KIF24: variants seen among roughly 807,000 people sequenced by gnomAD.
KIF24 encodes the protein kinesin-like protein KIF24.
KIF24 carries 81 observed loss-of-function variants against 118.9 expected under a neutral mutation model. The ratio of observed to expected loss-of-function variants is 0.68; its 90% CI spans 0.57 to 0.82. The LOEUF is 0.82. Among genes scored for constraint, KIF24 ranks in the 40% least tolerant of loss-of-function variants. The pLI, the probability that KIF24 is intolerant of heterozygous loss-of-function variation, is 0.00. For missense variants in KIF24, 1,560 were observed against 1,661.6 expected (o/e 0.94, Z 1.06); for synonymous variants, 599 against 610.0 (o/e 0.98, Z 0.27).
chr9:34,332,376 C>T (rs1404423562), upstream of KIF24, among the ~76,000 whole-genome samples: 1 of 152,114 alleles, frequency 6.6e-6, no homozygotes, highest in Non-Finnish European at 1.5e-5. Flanking sequence ...TTACGTTGCA[C>T]AAAACACACT....
chr9:34,330,424 A>G (rs1003196394), upstream of KIF24, among the ~76,000 whole-genome samples: 1 of 152,080 alleles, frequency 6.6e-6, no homozygotes, highest in Non-Finnish European at 1.5e-5. Flanking sequence ...ACAAAACAAA[A>G]AAAAACTGAA....
intron 3 of KIF24, 100 bp downstream of exon 3, chr9:34,306,152 T>C (rs1836906064): frequency 1.4e-6 from 1 of 739,642 alleles, no homozygotes; most frequent in Non-Finnish European, 2.3e-6. Context: ...TGATTTTCAG[T>C]GTTCTAACAG....
chr9:34,321,411 T>C (rs908363030), intron 1 of KIF24, among the ~76,000 whole-genome samples: 6 of 151,972 alleles, frequency 3.9e-5, no homozygotes, highest in South Asian at 2.1e-4. Flanking sequence ...AAGTTTAAAA[T>C]TGAAATAATG....
intron 2 of KIF24, among the ~76,000 whole-genome samples, chr9:34,306,942 C>A (rs889710582): frequency 3.9e-5 from 6 of 152,124 alleles, no homozygotes; most frequent in Admixed American, 6.6e-5. Context: ...TGCAAAAACA[C>A]AAATAACAGA....
chr9:34,320,340 AAAAAAAAAG>A (rs1837474926), intron 1 of KIF24, among the ~76,000 whole-genome samples: 1 of 151,482 alleles, frequency 6.6e-6, no homozygotes, highest in Non-Finnish European at 1.5e-5. Flanking sequence ...AACAAAAAAA[AAAAAAAAAG>A]AAAAAGAAAA....
chr9:34,256,574 G>T lies in KIF24; in HGVS notation c.3033C>A (p.Val1011=), dbSNP rs1422606428. ...TCACCTGGATTGGGCCGTCTGCACT[G>T]ACTTCTCTCAGAGGTGTGGTGACTG... ...RDTVTTPLRE[V]SADGPIQVTS... is the part of the protein sequence containing the mutation. The change falls in exon 11 of 13, where the codon GTC becomes GTA. Residue 1011 remains valine, a synonymous_variant. Coordinates refer to ENST00000402558, the MANE Select transcript of KIF24 (RefSeq NM_194313.4). 1.9e-6 allele frequency: 3 copies of T among 1,614,006 alleles called. No homozygotes were observed. Among genetic ancestry groups the T allele is most frequent in the East Asian group, 2.2e-5 (1 of 44,880 alleles).
chr9:34,262,663 A>ATATAT (rs1835109144), intron 9 of KIF24, among the ~76,000 whole-genome samples: 2 of 43,262 alleles, frequency 4.6e-5, no homozygotes, highest in African/African-American at 8.3e-5. Flanking sequence ...AAAAAAAAAA[A>ATATAT]AAAAAAAAAA....
In KIF24 at chr9:34,253,099, C is replaced by T. The variant is rs17258783; in HGVS notation, c.*1281G>A. On this transcript the variant is annotated 3_prime_UTR_variant, in exon 13 of 13. Transcript: ENST00000402558. The stretch of plus-strand genomic sequence containing the variant: ...GCCGGGAAGCACCAATAAGGATGCC[C>T]CCTGGCGGTCAGATGAGGCACTGTC... 24,136 of 152,536 alleles carry T rather than the reference C, an allele frequency of 0.16. 2,325 individuals are homozygous for T. Among genetic ancestry groups the T allele is most frequent in the South Asian group, 0.25 (1,183 of 4,828 alleles). The allele number at this position is 152,536 out of a possible 1,614,324, so 9.4% of individuals were successfully genotyped here.
At chr9:34,323,737 AAGG>A (rs753378769) in intron 1 of KIF24, among the ~76,000 whole-genome samples, 25 of 152,238 alleles carry the variant, frequency 1.6e-4, no homozygotes, top group Admixed American at 4.6e-4. Flanking sequence ...ATTATTTCCA[AAGG>A]AGTGACATCG....
intron 8 of KIF24, among the ~76,000 whole-genome samples, chr9:34,264,531 A>G (rs1040805737): frequency 6.6e-6 from 1 of 151,992 alleles, no homozygotes; most frequent in Non-Finnish European, 1.5e-5. Flanking sequence ...GGCTGTTCTT[A>G]GCAGCAGCCA....
At position 34,256,034 on chromosome 9, in the gene KIF24, G is replaced by A. The variant is rs1445096179; in HGVS notation, c.3573C>T (p.Pro1191=). The A allele has an allele frequency of 6.2e-7, 1 of 1,613,974 alleles. No individual in the cohort carries two copies. Among genetic ancestry groups the A allele is most frequent in the Non-Finnish European group, 8.5e-7 (1 of 1,179,882 alleles). Residue 1191 remains proline, a synonymous_variant, in exon 11 of 13, where the codon CCC becomes CCT. Coordinates refer to ENST00000402558, the MANE Select transcript of KIF24 (RefSeq NM_194313.4). ...LDGSWGFPGK[P]FTTIHMGVPH... The stretch of plus-strand genomic sequence containing the variant: ...GTACCCCCATATGTATGGTGGTGAA[G>A]GGCTTTCCTGGGAAACCCCAGGAGC...
intron 6 of KIF24, among the ~76,000 whole-genome samples, chr9:34,282,976 T>C (rs1835902210): frequency 7.4e-6 from 1 of 135,150 alleles, no homozygotes; most frequent in Non-Finnish European, 1.5e-5. Context: ...CACATGAACC[T>C]GGGAAGCAGA....
In KIF24 at chr9:34,256,442, G is replaced by A. The variant is rs769462864; in HGVS notation, c.3165C>T (p.Ser1055=). 1 of 1,613,874 alleles carries A rather than the reference G, an allele frequency of 6.2e-7. No homozygotes were observed. The highest frequency in any genetic ancestry group is 1.7e-5 in the Admixed American group (1 of 60,020). ...ASGLMSPLTM[S]LLENPDNEGS... Reference sequence around the variant, plus strand: ...CTTCGTTGTCTGGGTTCTCCAGGAGGGACATGGTGAGGGGAGACATGAGTC... The same window carrying A: ...CTTCGTTGTCTGGGTTCTCCAGGAGAGACATGGTGAGGGGAGACATGAGTC... Residue 1055 remains serine, a synonymous_variant, in exon 11 of 13, where the codon TCC becomes TCT. Transcript: ENST00000402558.
At chr9:34,255,317 C>T (rs10972024) in intron 11 of KIF24, among the ~76,000 whole-genome samples, 152 bp from the exon 12 acceptor site, 18,770 of 152,142 alleles carry the variant, frequency 0.12, 1,512 homozygotes, top group Non-Finnish European at 0.18. Context: ...CCAGCTCCCC[C>T]TCACCTGCTC....
At chr9:34,284,950 T>C (rs1178139773) in intron 6 of KIF24, among the ~76,000 whole-genome samples, 1 of 152,284 alleles carries the variant, frequency 6.6e-6, no homozygotes, top group East Asian at 1.9e-4. Flanking sequence ...AAGCCAGGGT[T>C]GAGGAACACT....
chr9:34,311,413 A>G (rs1837140894), intron 1 of KIF24, 42 bp from the exon 2 acceptor site: 2 of 966,954 alleles, frequency 2.1e-6, no homozygotes, highest in South Asian at 2.7e-5. Flanking sequence ...AATAGAGTAC[A>G]TGTAATACAA....
At chr9:34,320,138 T>C (rs1018625008) in intron 1 of KIF24, among the ~76,000 whole-genome samples, 1 of 152,014 alleles carries the variant, frequency 6.6e-6, no homozygotes, top group Admixed American at 6.6e-5. Flanking sequence ...CCTGGCCCCA[T>C]TGAGGCAGAT....
rs1302567498 is a variant in KIF24 at position 34,255,751 on chromosome 9, T to A, written c.3856A>T (p.Thr1286Ser). The change falls in exon 11 of 13, where the codon ACC becomes TCC. Residue 1286 changes from threonine (T) to serine (S), a missense_variant. Coordinates refer to ENST00000402558, the MANE Select transcript of KIF24 (RefSeq NM_194313.4). ...CCAACTTACTGCGCTTGCTCCAGGG[T>A]GGGCTGACGGAGTGTCCCTGCAGTC... The part of the protein sequence containing the change: ...PKTAGTLRQP[T>S]LEQAQQVVIR... The A allele has an allele frequency of 6.2e-7, 1 of 1,611,982 alleles. No individual in the cohort carries two copies. Among genetic ancestry groups the A allele is most frequent in the Non-Finnish European group, 8.5e-7 (1 of 1,178,824 alleles).
In KIF24 at chr9:34,318,519, A is replaced by G; in HGVS notation, c.-25-7148T>C. On this transcript the variant is annotated intron_variant, in intron 1 of 12. Coordinates refer to ENST00000402558, the MANE Select transcript of KIF24 (RefSeq NM_194313.4). This position sits in a 1 kb window ranked among gnomAD's most constrained non-coding sequence, Gnocchi z 4.9. ...GGCACCGCAGAGAAGCTGAGCCCCAAGGCAGCCACGCTGGCCGAACACAGC... is the reference window on the plus strand; with the variant it reads ...GGCACCGCAGAGAAGCTGAGCCCCAGGGCAGCCACGCTGGCCGAACACAGC... 1 of 933,044 alleles carries G rather than the reference A, an allele frequency of 1.1e-6. No individual in the cohort carries two copies. 57.8% of individuals were successfully genotyped at this position (933,044 alleles called of 1,614,324 possible). A position where few individuals can be genotyped will look rare whatever the true frequency, so the allele number is the denominator to read the frequency against.
Sources: allele counts gnomAD v4.1 joint callset (sites outside exome capture counted in the v4.1 genomes callset), GRCh38; gene constraint gnomAD v4.1.1; non-coding constraint Gnocchi (gnomAD v3.1); transcripts MANE v1.5; gene names NCBI Gene and HGNC (gene_info 2026-07-23, HGNC 2026-07-21).